The following EQTN variants were observed in gnomAD, a reference collection of about 807,000 sequenced individuals.
EQTN encodes Acrosome formation associated factor.
In EQTN, 29 loss-of-function variants were observed where a neutral mutation model predicts 26.9. The ratio of observed to expected loss-of-function variants is 1.08; its 90% CI spans 0.80 to 1.47. EQTN has a LOEUF of 1.47. EQTN is among the 40% of genes most tolerant of loss of function. EQTN has a pLI of 0.00. For missense variants in EQTN, 391 were observed against 346.1 expected (o/e 1.13, Z -1.03); for synonymous variants, 129 against 120.0 (o/e 1.07, Z -0.49).
chr9:27,285,659 A>G (rs549025169), intron 7 of EQTN, among the ~76,000 whole-genome samples: 22 of 152,234 alleles, frequency 1.4e-4, no homozygotes, highest in Non-Finnish European at 3.2e-4. Flanking sequence ...AAACAGCACA[A>G]TGAAAAGAAT....
chr9:27,291,448 G>A (rs920511458), intron 4 of EQTN, among the ~76,000 whole-genome samples: 4 of 152,226 alleles, frequency 2.6e-5, no homozygotes, highest in African/African-American at 9.6e-5. Context: ...CAAGGTGAGA[G>A]CGAGCTCATT....
Position 27,296,978 on chromosome 9 carries a change from A to G in EQTN, c.76+2T>C, listed in dbSNP as rs1162997684. The G allele has an allele frequency of 1.2e-6, 2 of 1,611,064 alleles. No homozygotes were observed. The highest frequency in any genetic ancestry group is 1.1e-5 in the South Asian group (1 of 90,634). ...TTATAAAAGTTTTAAATGCTCTCTC[A>G]CCTTCAATAGTAGGCTTCAAAGTGC... On this transcript the variant is annotated splice_donor_variant, in intron 1 of 7. Coordinates refer to ENST00000380032, the MANE Select transcript of EQTN (RefSeq NM_020641.3). LOFTEE classifies it high-confidence loss of function.
At chr9:27,289,124 C>A in intron 6 of EQTN, among the ~76,000 whole-genome samples, 1 of 152,046 alleles carries the variant, frequency 6.6e-6, no homozygotes, top group Non-Finnish European at 1.5e-5. Flanking sequence ...GTACGTTCTG[C>A]CAAATTTTTC....
At chr9:27,294,740 A>G (rs1355431239) in intron 2 of EQTN, among the ~76,000 whole-genome samples, 2 of 152,220 alleles carry the variant, frequency 1.3e-5, no homozygotes, top group Non-Finnish European at 2.9e-5. Flanking sequence ...ACATTATCAA[A>G]AAACCGGGTA....
intron 7 of EQTN, among the ~76,000 whole-genome samples, chr9:27,285,767 A>G (rs1820106584): frequency 6.6e-6 from 1 of 152,226 alleles, no homozygotes; most frequent in Non-Finnish European, 1.5e-5. Flanking sequence ...TCCTTCAATC[A>G]GGCTTGAGTT....
chr9:27,287,525 C>T (rs1001450592), intron 6 of EQTN, among the ~76,000 whole-genome samples: 18 of 152,140 alleles, frequency 1.2e-4, no homozygotes, highest in East Asian at 3.9e-4. Flanking sequence ...AAGCTAGTTA[C>T]AAGCGTGGGC....
chr9:27,295,831 CAAAAAA>C lies in EQTN; in HGVS notation c.202+776_202+781del, dbSNP rs67401588. ...TGGGCGACAGCGCGAGACTCCGTCT[CAAAAAA>C]AAAAAAAAAAAAAAAAACAACGATA... On this transcript the variant is annotated intron_variant, in intron 2 of 7. Coordinates refer to ENST00000380032, the MANE Select transcript of EQTN (RefSeq NM_020641.3). 2.9e-3 allele frequency among the ~76,000 whole-genome samples: 203 copies of C among 69,298 alleles called. 2 individuals carry two copies. The highest frequency in any genetic ancestry group is 3.9e-3 in the Non-Finnish European group (171 of 43,948). The allele number at this position is 69,298 out of a possible 152,430, so 45.5% of individuals were successfully genotyped here.
intron 2 of EQTN, 94 bp from the exon 3 acceptor site, chr9:27,294,496 C>A: frequency 1.4e-5 from 8 of 573,650 alleles, no homozygotes; most frequent in East Asian, 3.3e-5. Context: ...AAAACATGCA[C>A]TAATTAAAAA....
intron 2 of EQTN, among the ~76,000 whole-genome samples, chr9:27,296,118 T>C (rs1357066597): frequency 6.6e-6 from 1 of 152,004 alleles, no homozygotes; most frequent in Non-Finnish European, 1.5e-5. Flanking sequence ...CTGGGCAACA[T>C]GATGAAACAC....
intron 6 of EQTN, among the ~76,000 whole-genome samples, chr9:27,287,186 C>T (rs955999778): frequency 3.3e-5 from 5 of 152,162 alleles, no homozygotes; most frequent in Admixed American, 3.3e-4. Flanking sequence ...AGGGTTTTCA[C>T]TATTTTCTAG....
At chr9:27,289,524 T>C in intron 6 of EQTN, 148 bp downstream of exon 6, 1 of 533,150 alleles carries the variant, frequency 1.9e-6, no homozygotes, top group Middle Eastern at 5.1e-4. Context: ...AATTTTTGTA[T>C]TTTTTGTAGA....
At chr9:27,290,471 T>C (rs1056512440) in intron 5 of EQTN, among the ~76,000 whole-genome samples, 13 of 152,182 alleles carry the variant, frequency 8.5e-5, no homozygotes, top group African/African-American at 2.9e-4. Flanking sequence ...AATATGCAAA[T>C]AATGATCAAC....
At position 27,289,700 on chromosome 9, in the gene EQTN, A is replaced by C. The variant is rs1187280794; in HGVS notation, c.453T>G (p.Asp151Glu). The C allele has an allele frequency of 6.2e-7, 1 of 1,608,452 alleles. No homozygotes were observed. Among genetic ancestry groups the C allele is most frequent in the South Asian group, 1.1e-5 (1 of 89,422 alleles). ...AINGTAVVMDDKDQLFHPIPE... is the reference protein window; with the variant it reads ...AINGTAVVMDEKDQLFHPIPE... ...GAATTGGGTGAAATAATTGATCTTT[A>C]TCATCCATGACCACTGCTGTTCCAT... The change falls in exon 6 of 8, where the codon GAT becomes GAG. Residue 151 changes from aspartate to glutamate, a missense_variant. By Grantham distance (45) the Asp-to-Glu change is conservative (BLOSUM62 2). Coordinates refer to ENST00000380032, the MANE Select transcript of EQTN (RefSeq NM_020641.3).
chr9:27,291,007 G>A lies in EQTN; in HGVS notation c.421+12C>T. 6.2e-7 allele frequency: 1 copy of A among 1,610,786 alleles called. No individual in the cohort carries two copies. The highest frequency in any genetic ancestry group is 8.5e-7 in the Non-Finnish European group (1 of 1,179,040). ...AAAATGTTTCCCAAGCTACCTAGCTGTATGACTTTACCTTTAGCTAACATT... is the reference window on the plus strand; with the variant it reads ...AAAATGTTTCCCAAGCTACCTAGCTATATGACTTTACCTTTAGCTAACATT... On this transcript the variant is annotated intron_variant, in intron 5 of 7. Transcript: ENST00000380032.
intron 3 of EQTN, among the ~76,000 whole-genome samples, chr9:27,293,510 G>T (rs1403144616): frequency 2.0e-5 from 3 of 152,136 alleles, no homozygotes; most frequent in Non-Finnish European, 2.9e-5. Context: ...GTTTAAAATG[G>T]CAGGAATGTC....
chr9:27,286,060 C>G, intron 7 of EQTN, 149 bp downstream of exon 7: 2 of 761,724 alleles, frequency 2.6e-6, no homozygotes, highest in Non-Finnish European at 4.1e-6. Context: ...CAGTCCCGTG[C>G]TCCATCCGAA....
In EQTN at chr9:27,284,956, T is replaced by A. The variant is rs764113881; in HGVS notation, c.652A>T (p.Ser218Cys). 6.2e-7 allele frequency: 1 copy of A among 1,612,380 alleles called. No homozygotes were observed. Among genetic ancestry groups the A allele is most frequent in the Non-Finnish European group, 8.5e-7 (1 of 1,179,434 alleles). Reference protein sequence around the residue: ...LRHLSYKSCESQYSVNPELAT... With the variant: ...LRHLSYKSCECQYSVNPELAT... ...AGCTCTGGGTTGACAGAGTACTGAC[T>A]CTCACAACTTTTATAACTGAAGAAG... Residue 218 changes from serine to cysteine, a missense_variant, in exon 8 of 8, where the codon AGT (serine) becomes TGT (cysteine). By Grantham distance (112) the Ser-to-Cys change is moderately radical. Coordinates refer to ENST00000380032, the MANE Select transcript of EQTN (RefSeq NM_020641.3).
intron 2 of EQTN, 48 bp from the exon 3 acceptor site, chr9:27,294,450 T>C (rs1820297221): frequency 1.7e-6 from 2 of 1,171,260 alleles, no homozygotes; most frequent in South Asian, 1.8e-5. Context: ...GTCACTTTTT[T>C]TCCTTTACCT....
intron 7 of EQTN, 48 bp from the exon 8 acceptor site, chr9:27,285,020 A>G (rs1269814297): frequency 6.5e-7 from 1 of 1,535,604 alleles, no homozygotes; most frequent in Admixed American, 2.0e-5. Context: ...AATTGTGTAC[A>G]TTTGTAACTC....
Sources: gnomAD v4.1 joint callset for allele counts (sites outside exome capture counted in the v4.1 genomes callset) on GRCh38, gnomAD v4.1.1 for gene constraint, MANE v1.5 for transcripts, NCBI Gene and HGNC (gene_info 2026-07-23, HGNC 2026-07-21) for gene names.